ENOX1: variants seen among roughly 807,000 people sequenced by gnomAD.
ENOX1 encodes the protein candidate growth-related and time keeping constitutive hydroquinone (NADH) oxidase.
In ENOX1, 42 loss-of-function variants were observed where a neutral mutation model predicts 82.5. That is an observed-to-expected ratio of 0.51 (90% confidence interval 0.40 to 0.66). ENOX1 has a LOEUF of 0.66. ENOX1 is among the 30% of genes least tolerant of loss of function. The probability of loss-of-function intolerance (pLI) is 0.00; values close to 1 mark genes in which losing one functional copy is unlikely to be tolerated. For synonymous variants in ENOX1, 271 were observed against 282.2 expected (o/e 0.96, Z 0.40); for missense variants, 608 against 811.6 (o/e 0.75, Z 3.05).
intron 2 of ENOX1, among the ~76,000 whole-genome samples, chr13:43,591,379 CCAAA>C (rs2081238598): frequency 6.6e-6 from 1 of 152,038 alleles, no homozygotes; most frequent in South Asian, 2.1e-4. Context: ...AAAAGAAAAG[CCAAA>C]CAGAGTATGA....
chr13:43,338,738 T>A (rs2048872232), intron 9 of ENOX1, among the ~76,000 whole-genome samples: 1 of 130,200 alleles, frequency 7.7e-6, no homozygotes, highest in South Asian at 2.6e-4. Flanking sequence ...CAGGCTGGAG[T>A]GCAGTGGCGC....
At chr13:43,446,609 T>C (rs2056663336) in intron 3 of ENOX1, among the ~76,000 whole-genome samples, 1 of 152,236 alleles carries the variant, frequency 6.6e-6, no homozygotes, top group African/African-American at 2.4e-5. Flanking sequence ...ATGGCTATTC[T>C]GCCTTCTGGG....
chr13:43,468,315 G>T (rs771207371), intron 3 of ENOX1, among the ~76,000 whole-genome samples: 1 of 151,826 alleles, frequency 6.6e-6, no homozygotes, highest in Non-Finnish European at 1.5e-5. Flanking sequence ...CTAAATAGCT[G>T]GGACTACAGG....
intron 1 of ENOX1, among the ~76,000 whole-genome samples, chr13:43,750,230 T>C (rs1308808905): frequency 6.6e-6 from 1 of 152,174 alleles, no homozygotes; most frequent in African/African-American, 2.4e-5. Flanking sequence ...TTTGGCATAC[T>C]CTGGGTTTTA....
intron 16 of ENOX1, among the ~76,000 whole-genome samples, chr13:43,214,690 A>ATATT (rs2041373711): frequency 6.6e-6 from 1 of 152,196 alleles, no homozygotes; most frequent in Admixed American, 6.5e-5. Flanking sequence ...AAATTCAGGT[A>ATATT]TATTTTTTAA....
intron 1 of ENOX1, among the ~76,000 whole-genome samples, chr13:43,682,574 A>C (rs1243630418): frequency 2.0e-5 from 3 of 152,182 alleles, no homozygotes; most frequent in Admixed American, 6.5e-5. Flanking sequence ...ATTCTCATTC[A>C]TAAGAAATTC....
At chr13:43,496,865 G>C (rs1196323325) in intron 2 of ENOX1, among the ~76,000 whole-genome samples, 1 of 151,964 alleles carries the variant, frequency 6.6e-6, no homozygotes, top group Non-Finnish European at 1.5e-5. Context: ...CAGAAAGCTA[G>C]TCCCCCAACA....
chr13:43,280,146 A>T (rs1229440701), intron 12 of ENOX1, among the ~76,000 whole-genome samples: 1 of 152,244 alleles, frequency 6.6e-6, no homozygotes, highest in African/African-American at 2.4e-5. Context: ...CATGCTTTCC[A>T]GCCAGGTTGG....
At chr13:43,399,268 A>C (rs2053348848) in intron 5 of ENOX1, among the ~76,000 whole-genome samples, 1 of 152,166 alleles carries the variant, frequency 6.6e-6, no homozygotes, top group Admixed American at 6.5e-5. Context: ...ACTTATATGT[A>C]AGTTTTTTAC....
chr13:43,453,241 T>C (rs910065814), intron 3 of ENOX1, among the ~76,000 whole-genome samples: 9 of 152,170 alleles, frequency 5.9e-5, no homozygotes, highest in African/African-American at 2.2e-4. Flanking sequence ...AGGCTACCTG[T>C]AACCCTGCAG....
intron 6 of ENOX1, among the ~76,000 whole-genome samples, chr13:43,360,727 T>G (rs1555332851): frequency 8.2e-6 from 1 of 121,348 alleles, no homozygotes; most frequent in Non-Finnish European, 1.8e-5. Context: ...AAAAAAAAAG[T>G]CCTAGCTCTT....
intron 8 of ENOX1, among the ~76,000 whole-genome samples, chr13:43,347,286 T>G (rs2049451566): frequency 6.6e-6 from 1 of 152,100 alleles, no homozygotes; most frequent in Admixed American, 6.6e-5. Context: ...AATACACAAT[T>G]TCAAAAGTAA....
At chr13:43,215,100 T>A (rs2153447678) in intron 16 of ENOX1, among the ~76,000 whole-genome samples, 1 of 152,354 alleles carries the variant, frequency 6.6e-6, no homozygotes, top group Middle Eastern at 3.4e-3. Flanking sequence ...GCTATTACAC[T>A]TTTTCATGGT....
chr13:43,761,134 C>T (rs1314683407), intron 1 of ENOX1, among the ~76,000 whole-genome samples: 1 of 151,986 alleles, frequency 6.6e-6, no homozygotes, highest in Non-Finnish European at 1.5e-5. Context: ...CCTTCCTGTC[C>T]TCATTCTCCT....
At chr13:43,690,241 C>T (rs2086283763) in intron 1 of ENOX1, among the ~76,000 whole-genome samples, 1 of 134,322 alleles carries the variant, frequency 7.4e-6, no homozygotes, top group African/African-American at 2.9e-5. Flanking sequence ...AACATCCAGC[C>T]TTGCTTATAA....
At chr13:43,625,275 TTC>T (rs2082914128) in intron 2 of ENOX1, among the ~76,000 whole-genome samples, 1 of 152,020 alleles carries the variant, frequency 6.6e-6, no homozygotes, top group African/African-American at 2.4e-5. Flanking sequence ...CTTTGATATA[TTC>T]TATATACACA....
chr13:43,455,830 A>T (rs2057201562), intron 3 of ENOX1, among the ~76,000 whole-genome samples: 1 of 152,090 alleles, frequency 6.6e-6, no homozygotes, highest in African/African-American at 2.4e-5. Context: ...CTTGCTTCTC[A>T]TTCTGTCTTT....
At chr13:43,266,275 CA>C (rs1282245860) in intron 13 of ENOX1, among the ~76,000 whole-genome samples, 1 of 152,060 alleles carries the variant, frequency 6.6e-6, no homozygotes, top group African/African-American at 2.4e-5. Context: ...ATACCTAATA[CA>C]AAGTATTCAT....
intron 2 of ENOX1, among the ~76,000 whole-genome samples, chr13:43,662,444 A>G (rs1475548723): frequency 1.3e-5 from 2 of 152,186 alleles, no homozygotes; most frequent in Non-Finnish European, 2.9e-5. Flanking sequence ...AGACAATCAC[A>G]CATGCTGAAT....
Sources: gnomAD v4.1 joint callset for allele counts (sites outside exome capture counted in the v4.1 genomes callset) on GRCh38, gnomAD v4.1.1 for gene constraint, MANE v1.5 for transcripts, NCBI Gene and HGNC (gene_info 2026-07-23, HGNC 2026-07-21) for gene names.